Variants in COL3A1 observed in about 807,000 individuals in gnomAD.
COL3A1 encodes the protein collagen alpha-1(III) chain.
A neutral mutation model predicts 200.9 loss-of-function variants in COL3A1; 46 were observed. The ratio of observed to expected loss-of-function variants is 0.23; its 90% CI spans 0.18 to 0.29. The LOEUF (loss-of-function observed/expected upper bound fraction) is 0.29. Ranked by LOEUF, COL3A1 falls within the 10% of genes least tolerant of loss-of-function variation. The pLI, the probability that COL3A1 is intolerant of heterozygous loss-of-function variation, is 1.00. For synonymous variants in COL3A1, 650 were observed against 628.0 expected (o/e 1.03, Z -0.52); for missense variants, 1,367 against 1,917.6 (o/e 0.71, Z 5.36).
intron 1 of COL3A1, among the ~76,000 whole-genome samples, chr2:188,981,531 A>G (rs1687952606): frequency 6.6e-6 from 1 of 151,478 alleles, no homozygotes; most frequent in Admixed American, 6.6e-5. Flanking sequence ...GAATGAAATT[A>G]TTTGCCTTTT....
At chr2:188,997,040 GAGACATATATATA>G in intron 24 of COL3A1, 112 bp from the exon 25 acceptor site, 1 of 276,266 alleles carries the variant, frequency 3.6e-6, no homozygotes, top group East Asian at 6.2e-5. Flanking sequence ...ATATATATAT[GAGACATATATATA>G]TGAGACATAT....
chr2:188,998,840 G>A, intron 29 of COL3A1, 122 bp downstream of exon 29: 2 of 927,450 alleles, frequency 2.2e-6, no homozygotes, highest in South Asian at 1.4e-5. Flanking sequence ...GCAAATGTTT[G>A]GTAAGTACAC....
chr2:188,988,272 G>A (rs766741463), intron 6 of COL3A1, 138 bp downstream of exon 6: 5 of 791,954 alleles, frequency 6.3e-6, no homozygotes, highest in South Asian at 1.5e-5. Flanking sequence ...ACTGATTAAG[G>A]CTTCAAAGAT....
At chr2:189,007,680 C>T in intron 45 of COL3A1, 73 bp downstream of exon 45, 1 of 1,373,820 alleles carries the variant, frequency 7.3e-7, no homozygotes, top group Non-Finnish European at 1.0e-6. Context: ...AGAAAGCTTT[C>T]CATCTCTAAA....
intron 1 of COL3A1, among the ~76,000 whole-genome samples, chr2:188,976,015 C>T (rs558362526): frequency 7.2e-5 from 11 of 151,744 alleles, no homozygotes; most frequent in African/African-American, 2.7e-4. Context: ...CTCCTTGCCT[C>T]CTCACCCTTT....
chr2:188,981,138 A>AT (rs1276381389), intron 1 of COL3A1, among the ~76,000 whole-genome samples: 4 of 151,538 alleles, frequency 2.6e-5, no homozygotes, highest in African/African-American at 9.7e-5. Flanking sequence ...ATGATTTAAC[A>AT]TGAAGAATGG....
In COL3A1 at chr2:188,999,503, G is replaced by A. The variant is rs1688406430; in HGVS notation, c.2155G>A (p.Ala719Thr). Residue 719 changes from alanine (A) to threonine (T), a missense_variant, in exon 31 of 51, where the codon GCT becomes ACT. Around this residue, in one of 5 missense-constraint regions of COL3A1, gnomAD observed 846 missense variants for 1,147.9 expected, o/e 0.74. Transcript: ENST00000304636. ...AAGPPGPPGA[A>T]GTPGLQGMPG... ...TGGTCCTCCTGGGCCACCTGGTGCT[G>A]CTGGTACTCCTGGTCTGCAAGGAAT... The A allele has an allele frequency of 6.2e-7, 1 of 1,614,084 alleles. No individual in the cohort carries two copies. Among genetic ancestry groups the A allele is most frequent in the Admixed American group, 1.7e-5 (1 of 60,014 alleles).
In COL3A1 at chr2:188,985,793, G is replaced by T; in HGVS notation, c.447+15G>T. ...CTGGTCCTCAGGTATAACAATTACG[G>T]TACTTAAAAAATTCCCTCATAAAAC... On this transcript the variant is annotated intron_variant, in intron 4 of 50. Transcript: ENST00000304636. The T allele has an allele frequency of 6.4e-7, 1 of 1,569,682 alleles. No homozygotes were observed. Among genetic ancestry groups the T allele is most frequent in the South Asian group, 1.1e-5 (1 of 89,972 alleles).
At chr2:188,987,212 C>A in intron 5 of COL3A1, 73 bp downstream of exon 5, 1 of 1,240,448 alleles carries the variant, frequency 8.1e-7, no homozygotes, top group South Asian at 1.2e-5. Context: ...AATGGTTGCT[C>A]TTCTAGGAAT....
At chr2:188,985,922 C>T (rs1385072027) in intron 4 of COL3A1, 144 bp downstream of exon 4, 5 of 680,440 alleles carry the variant, frequency 7.3e-6, no homozygotes, top group Admixed American at 2.3e-5. Flanking sequence ...TTATTTAGTG[C>T]TTCTATGTAT....
chr2:188,988,341 AAT>A (rs1267441828), intron 6 of COL3A1, among the ~76,000 whole-genome samples: 1 of 152,158 alleles, frequency 6.6e-6, no homozygotes, highest in African/African-American at 2.4e-5. Context: ...ATCTTGGTAA[AAT>A]TAAACCACAT....
chr2:188,998,460 C>A, intron 28 of COL3A1, 141 bp downstream of exon 28: 1 of 943,272 alleles, frequency 1.1e-6, no homozygotes, highest in Non-Finnish European at 1.6e-6. Context: ...AAAACAAAGA[C>A]AAATTATTTA....
chr2:189,008,782 C>G, intron 47 of COL3A1, 142 bp from the exon 48 acceptor site: 1 of 880,656 alleles, frequency 1.1e-6, no homozygotes, highest in African/African-American at 1.6e-5. Flanking sequence ...ACCCTAAAGG[C>G]ACCCAAATAA....
At chr2:188,992,285 G>T in intron 14 of COL3A1, 57 bp downstream of exon 14, 1 of 1,487,118 alleles carries the variant, frequency 6.7e-7, no homozygotes, top group Admixed American at 1.7e-5. Context: ...ATGGATTGTG[G>T]ATTATTTAAT....
intron 29 of COL3A1, 124 bp downstream of exon 29, chr2:188,998,842 T>C: frequency 1.1e-6 from 1 of 911,712 alleles, no homozygotes; most frequent in Non-Finnish European, 1.8e-6. Context: ...AAATGTTTGG[T>C]AAGTACACTT....
At chr2:188,978,313 C>T (rs1453076960) in intron 1 of COL3A1, among the ~76,000 whole-genome samples, 1 of 152,000 alleles carries the variant, frequency 6.6e-6, no homozygotes, top group African/African-American at 2.4e-5. Flanking sequence ...TATCTACAGG[C>T]TTCTTTTTAA....
intron 50 of COL3A1, among the ~76,000 whole-genome samples, chr2:189,011,307 G>A (rs1184697570): frequency 6.6e-6 from 1 of 152,180 alleles, no homozygotes; most frequent in African/African-American, 2.4e-5. Flanking sequence ...GAATTTCATT[G>A]TGAGAGACCT....
rs1688703417 is a variant in COL3A1, at chr2:189,010,679, A to G, written c.4043A>G (p.Asp1348Gly). Residue 1348 changes from aspartate to glycine, a missense_variant, in exon 50 of 51, where the codon GAT becomes GGT. By Grantham distance (94) the Asp-to-Gly change is moderately conservative (BLOSUM62 -1). Around this residue, in one of 5 missense-constraint regions of COL3A1, gnomAD observed 846 missense variants for 1,147.9 expected, o/e 0.74. Coordinates refer to ENST00000304636, the MANE Select transcript of COL3A1 (RefSeq NM_000090.4). Reference protein sequence around the residue: ...FSYGNPELPEDVLDVHLAFLR... With the variant: ...FSYGNPELPEGVLDVHLAFLR... ...TACGGCAATCCTGAACTTCCTGAAG[A>G]TGTCCTTGATGTGCATCTGGCATTC... is the stretch of plus-strand genomic sequence containing the variant. 4 of 1,614,022 alleles carry G rather than the reference A, an allele frequency of 2.5e-6. No individual in the cohort carries two copies. The East Asian group carries it at 8.9e-5, about 36-fold the overall frequency.
rs13385646 is a variant in COL3A1 at position 188,983,398 on chromosome 2, C to T, written c.80-1362C>T. Among the ~76,000 whole-genome samples, 1,239 of 151,974 alleles carry T rather than the reference C, an allele frequency of 8.2e-3. 19 individuals are homozygous for T. Among genetic ancestry groups the T allele is most frequent in the African/African-American group, 0.029 (1,201 of 41,470 alleles). On this transcript the variant is annotated intron_variant, in intron 1 of 50. Transcript: ENST00000304636. ...CATAAATGGAAATGAGGTGGGGAAG[C>T]AATTGCAGTACTTTCTAGAGTCTAG...
Sources: gnomAD v4.1 joint callset for allele counts (sites outside exome capture counted in the v4.1 genomes callset) on GRCh38, gnomAD v4.1.1 for gene constraint, gnomAD v4.1.1 regional missense constraint, MANE v1.5 for transcripts, NCBI Gene and HGNC (gene_info 2026-07-23, HGNC 2026-07-21) for gene names.